The following GINS4 variants were observed in gnomAD, a reference collection of about 807,000 sequenced individuals.
GINS4 encodes GINS complex subunit 4.
GINS4 carries 20 observed loss-of-function variants against 31.1 expected under a neutral mutation model. The observed-to-expected ratio is 0.64, with a 90% CI of 0.45 to 0.93. The LOEUF (loss-of-function observed/expected upper bound fraction) is 0.93, where lower values mean the gene tolerates loss of function less well. Ranked by LOEUF, GINS4 falls within the 40% of genes least tolerant of loss-of-function variation. GINS4 has a pLI of 0.00. For missense variants in GINS4, 245 were observed against 273.9 expected (o/e 0.89, Z 0.75); for synonymous variants, 85 against 97.9 (o/e 0.87, Z 0.78).
At chr8:41,539,040 G>A (rs558985375) in intron 4 of GINS4, among the ~76,000 whole-genome samples, 2 of 150,420 alleles carry the variant, frequency 1.3e-5, no homozygotes, top group Non-Finnish European at 3.0e-5. Flanking sequence ...AGCTGGTGAT[G>A]ACCAGTTACA....
intron 3 of GINS4, chr8:41,536,927 G>T (rs552970862): frequency 2.3e-6 from 1 of 433,998 alleles, no homozygotes; most frequent in Non-Finnish European, 4.2e-6. Context: ...TGGAAGTTTC[G>T]TCTGTGTGCT....
chr8:41,540,632 C>T (rs1806823747), intron 6 of GINS4, among the ~76,000 whole-genome samples: 2 of 152,228 alleles, frequency 1.3e-5, no homozygotes, highest in Non-Finnish European at 2.9e-5. Context: ...GTCGGATCAA[C>T]CCACCGGGGG....
intron 3 of GINS4, among the ~76,000 whole-genome samples, chr8:41,536,891 GTT>G (rs1806748861): frequency 6.6e-6 from 1 of 152,234 alleles, no homozygotes; most frequent in African/African-American, 2.4e-5. Context: ...CTCAGCTGGT[GTT>G]TTAATACTGC....
intron 2 of GINS4, among the ~76,000 whole-genome samples, chr8:41,531,659 C>T (rs531587669): frequency 7.2e-5 from 11 of 152,266 alleles, no homozygotes; most frequent in Admixed American, 2.6e-4. Flanking sequence ...CCCACAATAA[C>T]GCACACATGC....
At chr8:41,539,586 G>T in intron 4 of GINS4, 92 bp from the exon 5 acceptor site, 1 of 870,302 alleles carries the variant, frequency 1.1e-6, no homozygotes. Flanking sequence ...GTCCTTCCTC[G>T]GGAGGGTTGT....
chr8:41,532,265 C>T (rs1464889676), intron 2 of GINS4, among the ~76,000 whole-genome samples: 2 of 150,998 alleles, frequency 1.3e-5, no homozygotes, highest in Admixed American at 1.3e-4. Context: ...AAGAAGAAAA[C>T]AGGATGACCA....
At chr8:41,537,347 C>G (rs897608308) in intron 4 of GINS4, 54 bp downstream of exon 4, 1 of 1,305,436 alleles carries the variant, frequency 7.7e-7, no homozygotes, top group African/African-American at 1.5e-5. Flanking sequence ...GTAATGCAGA[C>G]TGAATGTCCT....
chr8:41,539,853 C>T (rs1806805963), intron 5 of GINS4, 63 bp from the exon 6 acceptor site: 3 of 1,581,130 alleles, frequency 1.9e-6, no homozygotes, highest in Non-Finnish European at 2.6e-6. Context: ...TGCGCTGCTG[C>T]CTGCTAACCT....
At chr8:41,534,572 AC>A (rs1806708360) in intron 2 of GINS4, among the ~76,000 whole-genome samples, 1 of 152,072 alleles carries the variant, frequency 6.6e-6, no homozygotes, top group African/African-American at 2.4e-5. Flanking sequence ...CCCCAATACT[AC>A]CCCAGTGTAC....
chr8:41,533,509 C>T (rs781743578), intron 2 of GINS4, among the ~76,000 whole-genome samples: 19 of 152,190 alleles, frequency 1.2e-4, no homozygotes, highest in South Asian at 2.1e-4. Context: ...GTGCAGTGCC[C>T]TGAGTGCAGC....
At chr8:41,530,029 G>T in intron 1 of GINS4, 155 bp from the exon 2 acceptor site, 1 of 569,120 alleles carries the variant, frequency 1.8e-6, no homozygotes. Context: ...GCAGACACTG[G>T]AAAACTAGAG....
chr8:41,531,505 A>C (rs61662070), intron 2 of GINS4, among the ~76,000 whole-genome samples: 101 of 152,312 alleles, frequency 6.6e-4, no homozygotes, highest in African/African-American at 2.3e-3. Flanking sequence ...CCTGCCATAC[A>C]TGATATCACG....
In GINS4 at chr8:41,539,991, C is replaced by T; in HGVS notation, c.471C>T (p.Asp157=). ...KHMPPNLQKV[D]LFRAVPKPDL... ...TGCCCCCTAACTTACAGAAGGTGGACCTCTTTCGGGCAGGTAAACAGGACG... is the reference window on the plus strand; with the variant it reads ...TGCCCCCTAACTTACAGAAGGTGGATCTCTTTCGGGCAGGTAAACAGGACG... Residue 157 remains aspartate (D), a synonymous_variant, in exon 6 of 8, where the codon GAC becomes GAT. Transcript: ENST00000276533. The T allele has an allele frequency of 6.2e-7, 1 of 1,613,540 alleles. No individual in the cohort carries two copies. The highest frequency in any genetic ancestry group is 8.5e-7 in the Non-Finnish European group (1 of 1,179,428).
intron 2 of GINS4, among the ~76,000 whole-genome samples, chr8:41,535,197 G>A (rs1011469928): frequency 1.3e-5 from 2 of 152,082 alleles, no homozygotes; most frequent in Admixed American, 1.3e-4. Flanking sequence ...AATTAGCTGG[G>A]CATAGTGGCA....
In GINS4 at chr8:41,542,238, C is replaced by T; in HGVS notation, c.*151C>T. The T allele has an allele frequency of 1.6e-6, 1 of 643,074 alleles. No individual in the cohort carries two copies. Among genetic ancestry groups the T allele is most frequent in the Non-Finnish European group, 2.8e-6 (1 of 355,420 alleles). 39.8% of individuals were successfully genotyped at this position (643,074 alleles called of 1,614,324 possible). A position where few individuals can be genotyped will look rare whatever the true frequency, so the allele number is the denominator to read the frequency against. On this transcript the variant is annotated 3_prime_UTR_variant, in exon 8 of 8. Transcript: ENST00000276533. ...TTTACTAAAAATACAAAATAATTAG[C>T]CGGGTGTTGGTGGTGTGCACCTGTA... is the stretch of plus-strand genomic sequence containing the variant.
chr8:41,532,951 C>G (rs560461284), intron 2 of GINS4, among the ~76,000 whole-genome samples: 2 of 152,142 alleles, frequency 1.3e-5, no homozygotes, highest in East Asian at 1.9e-4. Flanking sequence ...TGAAGGTGCA[C>G]ATACCTGCGG....
intron 1 of GINS4, 116 bp from the exon 2 acceptor site, chr8:41,530,068 G>A (rs1255409331): frequency 3.2e-6 from 2 of 627,300 alleles, no homozygotes; most frequent in Admixed American, 3.1e-5. Context: ...ACTTGCTAAA[G>A]GGCCTCTACA....
intron 2 of GINS4, among the ~76,000 whole-genome samples, chr8:41,533,639 T>C (rs1208310239): frequency 6.6e-6 from 1 of 152,200 alleles, no homozygotes; most frequent in Non-Finnish European, 1.5e-5. Flanking sequence ...CAGGAGCATA[T>C]ATAGGATACC....
chr8:41,534,283 T>A, intron 2 of GINS4: 1 of 421,120 alleles, frequency 2.4e-6, no homozygotes, highest in Non-Finnish European at 4.8e-6. Context: ...GGTATGTACC[T>A]TTAGTCCCAG....
Sources: allele counts gnomAD v4.1 joint callset (sites outside exome capture counted in the v4.1 genomes callset), GRCh38; gene constraint gnomAD v4.1.1; transcripts MANE v1.5; gene names NCBI Gene and HGNC (gene_info 2026-07-23, HGNC 2026-07-21).